PKP2: variants seen among roughly 807,000 people sequenced by gnomAD.
The protein encoded by PKP2 is plakophilin 2.
In PKP2, 73 loss-of-function variants were observed where a neutral mutation model predicts 83.4. The observed-to-expected ratio is 0.88, with a 90% CI of 0.72 to 1.06. The LOEUF is 1.06. Ranked by LOEUF, PKP2 falls within the 50% of genes least tolerant of loss-of-function variation. The pLI is 0.00. For missense variants in PKP2, 966 were observed against 1,065.4 expected (o/e 0.91, Z 1.30); for synonymous variants, 409 against 430.4 (o/e 0.95, Z 0.62).
At chr12:32,827,752 C>T (rs953440259) in intron 6 of PKP2, among the ~76,000 whole-genome samples, 3 of 152,134 alleles carry the variant, frequency 2.0e-5, no homozygotes, top group African/African-American at 7.2e-5. Context: ...AGCATACAAA[C>T]ATGGTAGTTA....
chr12:32,895,088 G>C (rs12824254), intron 1 of PKP2, among the ~76,000 whole-genome samples: 95 of 152,200 alleles, frequency 6.2e-4, no homozygotes, highest in Non-Finnish European at 1.1e-3. Context: ...TTAAATACCA[G>C]CTCTGCCACT....
In PKP2 at chr12:32,896,535, C is replaced by A; in HGVS notation, c.197G>T (p.Arg66Leu). ...GTTGCCCACGGAGCTGCGGCCCTTC[C>A]GGGCGAGGGTCTGCTGCACCTGCTC... The part of the protein sequence containing the change: ...IQEQVQQTLA[R>L]KGRSSVGNGN... Residue 66 changes from arginine (R) to leucine (L), a missense_variant, in exon 1 of 13, where the codon CGG becomes CTG. By Grantham distance (102) the Arg-to-Leu change is moderately radical (BLOSUM62 -2). Coordinates refer to ENST00000340811, the MANE Select transcript of PKP2 (RefSeq NM_001005242.3). 1.3e-6 allele frequency: 2 copies of A among 1,558,290 alleles called. No homozygotes were observed. Among genetic ancestry groups the A allele is most frequent in the Non-Finnish European group, 1.7e-6 (2 of 1,158,878 alleles).
At chr12:32,887,793 T>C (rs1191896420) in intron 1 of PKP2, among the ~76,000 whole-genome samples, 3 of 152,250 alleles carry the variant, frequency 2.0e-5, no homozygotes, top group African/African-American at 7.2e-5. Context: ...TTTGAGGTAT[T>C]AGAATATGTA....
At chr12:32,874,754 T>C (rs1403502249) in intron 3 of PKP2, among the ~76,000 whole-genome samples, 2 of 152,186 alleles carry the variant, frequency 1.3e-5, no homozygotes, top group Admixed American at 6.5e-5. Context: ...ATATACTTAT[T>C]TTTTGAAAGA....
At chr12:32,881,252 A>G (rs559675990) in intron 1 of PKP2, among the ~76,000 whole-genome samples, 28 of 152,178 alleles carry the variant, frequency 1.8e-4, no homozygotes, top group Non-Finnish European at 3.5e-4. Flanking sequence ...AGGCAGTGGC[A>G]GGCTTGTAAC....
intron 6 of PKP2, among the ~76,000 whole-genome samples, chr12:32,829,280 A>T (rs1209706193): frequency 5.2e-4 from 77 of 148,556 alleles, no homozygotes; most frequent in African/African-American, 1.9e-3. Context: ...TTTGAGATAG[A>T]GTCTCACTCT....
At chr12:32,852,520 T>C (rs1351164605) in intron 4 of PKP2, among the ~76,000 whole-genome samples, 3 of 152,112 alleles carry the variant, frequency 2.0e-5, no homozygotes, top group Non-Finnish European at 4.4e-5. Flanking sequence ...AAAGCAAAAA[T>C]TACAACTCCT....
At chr12:32,873,463 T>C (rs532439282) in intron 3 of PKP2, among the ~76,000 whole-genome samples, 2 of 152,178 alleles carry the variant, frequency 1.3e-5, no homozygotes, top group South Asian at 4.1e-4. Context: ...CACTTGATGA[T>C]ATATCCTATT....
intron 5 of PKP2, among the ~76,000 whole-genome samples, chr12:32,849,922 T>C (rs1426396394): frequency 6.6e-6 from 1 of 152,254 alleles, no homozygotes. Flanking sequence ...TTGATTACAT[T>C]GATCCTCCAC....
At chr12:32,872,865 A>T (rs1022068166) in intron 3 of PKP2, among the ~76,000 whole-genome samples, 1 of 152,196 alleles carries the variant, frequency 6.6e-6, no homozygotes, top group African/African-American at 2.4e-5. Flanking sequence ...GAGGCAAAAA[A>T]GCCTTGAACT....
At chr12:32,848,187 C>T (rs58191637) in intron 5 of PKP2, among the ~76,000 whole-genome samples, 8,926 of 152,206 alleles carry the variant, frequency 0.059, 913 homozygotes, top group African/African-American at 0.21. Flanking sequence ...CTTTGAGACG[C>T]GGAGGCAGGC....
At chr12:32,801,802 G>GTTATTTGATAACGTAA (rs377181690) in intron 10 of PKP2, among the ~76,000 whole-genome samples, 2 of 151,688 alleles carry the variant, frequency 1.3e-5, no homozygotes, top group East Asian at 3.9e-4. Context: ...AAATAAAAAA[G>GTTATTTGATAACGTAA]TACCGTTATC....
At chr12:32,884,641 C>T (rs11615523) in intron 1 of PKP2, among the ~76,000 whole-genome samples, 21,655 of 152,104 alleles carry the variant, frequency 0.14, 1,883 homozygotes, top group Non-Finnish European at 0.18. Flanking sequence ...CTCCTCTACA[C>T]AAGCAATATG....
chr12:32,865,741 A>G lies in PKP2; in HGVS notation c.1170+3186T>C, dbSNP rs1956842892. Among the ~76,000 whole-genome samples the G allele has an allele frequency of 2.0e-5, 3 of 151,672 alleles. No individual in the cohort carries two copies. In the South Asian group the frequency reaches 6.2e-4, roughly 31 times the overall value. ...ATACACAGTCCAGAAATAGACTCAC[A>G]TATTTGATCAATTCCTTTTCAGCAA... On this transcript the variant is annotated intron_variant, in intron 4 of 12. Coordinates refer to ENST00000340811, the MANE Select transcript of PKP2 (RefSeq NM_001005242.3).
intron 5 of PKP2, among the ~76,000 whole-genome samples, chr12:32,848,380 A>G (rs1956667363): frequency 6.6e-6 from 1 of 152,152 alleles, no homozygotes; most frequent in Admixed American, 6.5e-5. Context: ...AGCTGAGATC[A>G]TGCCACTGCA....
At chr12:32,836,236 A>G (rs1445402597) in intron 6 of PKP2, among the ~76,000 whole-genome samples, 3 of 152,234 alleles carry the variant, frequency 2.0e-5, no homozygotes, top group Non-Finnish European at 4.4e-5. Context: ...AAAGTATGTA[A>G]TTCCAAAGGG....
At chr12:32,868,128 TA>T (rs1189596459) in intron 4 of PKP2, among the ~76,000 whole-genome samples, 1 of 152,230 alleles carries the variant, frequency 6.6e-6, no homozygotes, top group Admixed American at 6.5e-5. Context: ...TGTAGTGACT[TA>T]CTTTCTACAT....
intron 4 of PKP2, among the ~76,000 whole-genome samples, chr12:32,853,314 A>T (rs1280647579): frequency 1.3e-5 from 2 of 151,886 alleles, no homozygotes; most frequent in African/African-American, 2.4e-5. Flanking sequence ...CCAAAATCTG[A>T]AAAACCCTAA....
At position 32,879,493 on chromosome 12, in the gene PKP2, T is replaced by C. The variant is rs948507912; in HGVS notation, c.224-461A>G. On this transcript the variant is annotated intron_variant, in intron 1 of 12. Transcript: ENST00000340811. ...GTTGCAGTGAGCCAAGATCACACAA[T>C]TGCACTCCAGCCTGGGCAACAAAAG... Among the ~76,000 whole-genome samples, 4 of 151,800 alleles carry C rather than the reference T, an allele frequency of 2.6e-5. No individual in the cohort carries two copies. The East Asian group carries it at 7.8e-4, about 30-fold the overall frequency.
Sources: gnomAD v4.1 joint callset for allele counts (sites outside exome capture counted in the v4.1 genomes callset) on GRCh38, gnomAD v4.1.1 for gene constraint, MANE v1.5 for transcripts, NCBI Gene and HGNC (gene_info 2026-07-23, HGNC 2026-07-21) for gene names.